Variants in ATP2B2 observed in about 807,000 individuals in gnomAD.
The protein encoded by ATP2B2 is ATPase plasma membrane Ca2+ transporting 2.
In ATP2B2, 15 loss-of-function variants were observed where a neutral mutation model predicts 120.0. The observed-to-expected ratio is 0.12, with a 90% CI of 0.08 to 0.19. The LOEUF (loss-of-function observed/expected upper bound fraction) is 0.19, where lower values mean the gene tolerates loss of function less well. Among genes scored for constraint, ATP2B2 ranks in the 10% least tolerant of loss-of-function variants. The pLI is 1.00. For missense variants in ATP2B2, 1,045 were observed against 1,719.8 expected, an observed-to-expected ratio of 0.61 and a Z score of 6.94; for synonymous variants, 694 against 700.3, an observed-to-expected ratio of 0.99 and a Z score of 0.14.
intron 8 of ATP2B2, among the ~76,000 whole-genome samples, chr3:10,385,037 C>T (rs1018535032): frequency 1.3e-5 from 2 of 152,234 alleles, no homozygotes; most frequent in Non-Finnish European, 2.9e-5. Context: ...AAGGGCTCGA[C>T]AGGAGCCAGC....
At chr3:10,361,618 TG>T (rs1253939129) in intron 12 of ATP2B2, among the ~76,000 whole-genome samples, 1 of 152,238 alleles carries the variant, frequency 6.6e-6, no homozygotes, top group East Asian at 1.9e-4. Context: ...CTCACATGGC[TG>T]CCCGAACACG....
intron 1 of ATP2B2, among the ~76,000 whole-genome samples, chr3:10,638,494 A>C (rs2070083976): frequency 6.6e-6 from 1 of 152,208 alleles, no homozygotes; most frequent in Non-Finnish European, 1.5e-5. Flanking sequence ...ATAAGCTAAC[A>C]AAGGAAATAA....
At chr3:10,626,594 TGG>T (rs2069707474) in intron 1 of ATP2B2, 1 of 151,298 alleles carries the variant, frequency 6.6e-6, no homozygotes, top group East Asian at 1.9e-4. Context: ...GATGGATGGA[TGG>T]ATGGATGGAT....
At chr3:10,399,254 T>C (rs1412796797) in intron 5 of ATP2B2, among the ~76,000 whole-genome samples, 1 of 152,236 alleles carries the variant, frequency 6.6e-6, no homozygotes, top group Admixed American at 6.5e-5. Flanking sequence ...TAACAATTTA[T>C]TGAAATCTCA....
At chr3:10,396,518 C>T (rs1013934689) in intron 5 of ATP2B2, among the ~76,000 whole-genome samples, 1 of 152,254 alleles carries the variant, frequency 6.6e-6, no homozygotes, top group Non-Finnish European at 1.5e-5. Context: ...CTGTGTTGTT[C>T]CTCAAGGATC....
At chr3:10,532,700 T>G (rs1207418826) in intron 3 of ATP2B2, among the ~76,000 whole-genome samples, 1 of 152,208 alleles carries the variant, frequency 6.6e-6, no homozygotes, top group Non-Finnish European at 1.5e-5. Flanking sequence ...CGTCCCAAAG[T>G]GCTTGGGCAA....
intron 1 of ATP2B2, among the ~76,000 whole-genome samples, chr3:10,461,053 CG>C (rs2064468109): frequency 6.6e-6 from 1 of 152,092 alleles, no homozygotes; most frequent in South Asian, 2.1e-4. Context: ...TCCAAGAATG[CG>C]GATGCTAGGA....
intron 1 of ATP2B2, among the ~76,000 whole-genome samples, chr3:10,689,408 A>C (rs185214876): frequency 8.3e-4 from 126 of 152,104 alleles, no homozygotes; most frequent in African/African-American, 2.9e-3. Flanking sequence ...ATAAAATAAC[A>C]CCTCCTGTCC....
chr3:10,391,015 G>A (rs149069505), intron 5 of ATP2B2, among the ~76,000 whole-genome samples: 1,833 of 152,268 alleles, frequency 0.012, 21 homozygotes, highest in Admixed American at 0.034. Flanking sequence ...ATAAGAAACT[G>A]GGGTCTCATG....
At chr3:10,512,745 T>C (rs1282704691) in intron 3 of ATP2B2, among the ~76,000 whole-genome samples, 4 of 152,158 alleles carry the variant, frequency 2.6e-5, no homozygotes. Context: ...AGCCCTTCCC[T>C]GTCACTCCAG....
chr3:10,536,865 T>C (rs953107954), intron 2 of ATP2B2, among the ~76,000 whole-genome samples: 21 of 152,182 alleles, frequency 1.4e-4, no homozygotes, highest in Non-Finnish European at 2.9e-4. Context: ...GTTTTACATG[T>C]TATATTGAAG....
At chr3:10,567,043 G>A (rs558831358) in intron 2 of ATP2B2, among the ~76,000 whole-genome samples, 7 of 152,288 alleles carry the variant, frequency 4.6e-5, no homozygotes, top group Non-Finnish European at 4.4e-5. Flanking sequence ...CACTGTGACA[G>A]CTTAGAACTC....
intron 1 of ATP2B2, among the ~76,000 whole-genome samples, chr3:10,679,228 G>A (rs940822403): frequency 3.9e-5 from 6 of 152,186 alleles, no homozygotes; most frequent in Non-Finnish European, 7.3e-5. Flanking sequence ...TATGGAAACT[G>A]TGAGATAATG....
chr3:10,397,135 C>T (rs1009632541), intron 5 of ATP2B2, among the ~76,000 whole-genome samples: 2 of 152,240 alleles, frequency 1.3e-5, no homozygotes, highest in South Asian at 4.1e-4. Context: ...CTCAGCCTGA[C>T]ACTCTGCTCA....
At chr3:10,706,186 G>A (rs1013422928) in intron 1 of ATP2B2, among the ~76,000 whole-genome samples, 8 of 152,180 alleles carry the variant, frequency 5.3e-5, no homozygotes, top group Admixed American at 1.3e-4. Context: ...GAGTGAGTGA[G>A]TGAGTGAATG....
intron 13 of ATP2B2, among the ~76,000 whole-genome samples, chr3:10,359,424 G>A (rs1462693095): frequency 6.6e-6 from 1 of 152,120 alleles, no homozygotes; most frequent in South Asian, 2.1e-4. Flanking sequence ...TACAAGTGGG[G>A]AAACTGAGGC....
intron 14 of ATP2B2, among the ~76,000 whole-genome samples, chr3:10,354,527 C>T (rs114307541): frequency 0.021 from 3,185 of 152,238 alleles, 119 homozygotes; most frequent in African/African-American, 0.073. Flanking sequence ...TCTGTGACTC[C>T]GAGGGCTTCA....
chr3:10,590,269 G>A (rs919982969), intron 2 of ATP2B2, among the ~76,000 whole-genome samples: 1 of 152,226 alleles, frequency 6.6e-6, no homozygotes, highest in Admixed American at 6.5e-5. Context: ...TTGGAGGAGG[G>A]AAAAGGGTTG....
chr3:10,700,372 C>G (rs1246905879), intron 1 of ATP2B2, among the ~76,000 whole-genome samples: 1 of 152,142 alleles, frequency 6.6e-6, no homozygotes, highest in Non-Finnish European at 1.5e-5. Flanking sequence ...ACATGATTTC[C>G]TGCGATATGT....
Sources: gnomAD v4.1 joint callset for allele counts (sites outside exome capture counted in the v4.1 genomes callset) on GRCh38, gnomAD v4.1.1 for gene constraint, MANE v1.5 for transcripts, NCBI Gene and HGNC (gene_info 2026-07-23, HGNC 2026-07-21) for gene names.